SSC4D: variants seen among roughly 807,000 people sequenced by gnomAD.
SSC4D encodes the protein scavenger receptor cysteine rich family member with 4 domains, also known as scavenger receptor cysteine-rich domain-containing group B protein.
A neutral mutation model predicts 63.4 loss-of-function variants in SSC4D; 57 were observed. That is an observed-to-expected ratio of 0.90 (90% CI 0.73 to 1.12). The LOEUF (loss-of-function observed/expected upper bound fraction) is 1.12. Ranked by LOEUF, SSC4D falls within the 50% of genes most tolerant of loss-of-function variation. The pLI is 0.00. For synonymous variants in SSC4D, 352 were observed against 345.4 expected (o/e 1.02, Z -0.21); for missense variants, 791 against 806.4 (o/e 0.98, Z 0.23).
chr7:76,404,498 T>C lies in SSC4D; in HGVS notation c.-59A>G, dbSNP rs1211840991. On this transcript the variant is annotated 5_prime_UTR_variant, in exon 2 of 11. Transcript: ENST00000275560. ...CAAGGCGCCAGGGAGAAGTCACAGT[T>C]GGAACATCTGAAATTAAAGATCCCA... The C allele has an allele frequency of 6.2e-7, 1 of 1,612,268 alleles. No individual in the cohort carries two copies. The highest frequency in any genetic ancestry group is 8.5e-7 in the Non-Finnish European group (1 of 1,179,718).
chr7:76,398,626 T>C, intron 5 of SSC4D, 94 bp downstream of exon 5: 4 of 1,385,326 alleles, frequency 2.9e-6, no homozygotes, highest in Non-Finnish European at 4.1e-6. Context: ...CTTTACATCT[T>C]CAATTTGTAA....
Position 76,404,337 on chromosome 7 carries a change from C to G in SSC4D, c.103G>C (p.Ala35Pro), listed in dbSNP as rs1014432326. The G allele has an allele frequency of 6.2e-7, 1 of 1,610,788 alleles. No individual in the cohort carries two copies. The highest frequency in any genetic ancestry group is 8.5e-7 in the Non-Finnish European group (1 of 1,178,524). The change falls in exon 2 of 11, where the codon GCC (alanine) becomes CCC (proline). Residue 35 changes from alanine (A) to proline (P), a missense_variant. By Grantham distance (27) the Ala-to-Pro change is conservative. Transcript: ENST00000275560. ...GSAAPPFLPQ[A>P]LSFLLLLPLA... ...GGCAGGAGGAGAAGGAAAGACAGGG[C>G]TTGGGGGAGGAAGGGAGGGGCAGCA...
Position 76,393,413 on chromosome 7 carries a change from A to T in SSC4D, c.1325T>A (p.Leu442His). The T allele has an allele frequency of 6.8e-7, 1 of 1,474,020 alleles. No individual in the cohort carries two copies. Among genetic ancestry groups the T allele is most frequent in the Admixed American group, 2.2e-5 (1 of 44,474 alleles). 91.3% of individuals were successfully genotyped at this position (1,474,020 alleles called of 1,614,324 possible). ...NCGHHEDAGA[L>H]CAGPEELGLQ... is the part of the protein sequence containing the mutation. ...TTCGCTGTCAGCCTCACCTGCGCAG[A>T]GCGCTCCCGCGTCCTCGTGGTGGCC... The change falls in exon 9 of 11, where the codon CTC becomes CAC. Residue 442 changes from leucine (L) to histidine (H), a missense_variant. Leu to His is a moderately conservative substitution (Grantham distance 99, BLOSUM62 -3). Transcript: ENST00000275560.
intron 2 of SSC4D, among the ~76,000 whole-genome samples, chr7:76,402,351 T>C (rs756086985): frequency 6.6e-6 from 1 of 151,938 alleles, no homozygotes; most frequent in Non-Finnish European, 1.5e-5. Flanking sequence ...AGCTAATTTT[T>C]ATATTTTTTA....
intron 1 of SSC4D, among the ~76,000 whole-genome samples, chr7:76,407,499 T>C (rs1477399166): frequency 2.0e-5 from 3 of 151,330 alleles, no homozygotes; most frequent in South Asian, 2.1e-4. Context: ...GCCCAGCTAA[T>C]TGAGGGAGTA....
chr7:76,400,287 A>G lies in SSC4D; in HGVS notation c.474T>C (p.Asp158=). The G allele has an allele frequency of 6.8e-7, 1 of 1,471,720 alleles. No individual in the cohort carries two copies. The highest frequency in any genetic ancestry group is 9.0e-7 in the Non-Finnish European group (1 of 1,107,332). 91.2% of individuals were successfully genotyped at this position (1,471,720 alleles called of 1,614,324 possible). A position where few individuals can be genotyped will look rare whatever the true frequency, so the allele number is the denominator to read the frequency against. ...TCCAGGTCCCAGGGCTCCACTCACC[A>G]TCACACAGGACAGCCACATCCTCGT... ...FHYEDVAVLC[D]EFLPTQPPTR... is the part of the protein sequence containing the mutation. The change falls in exon 4 of 11, where the codon GAT becomes GAC. Residue 158 remains aspartate, a splice_region_variant and synonymous_variant. Coordinates refer to ENST00000275560, the MANE Select transcript of SSC4D (RefSeq NM_080744.2).
intron 1 of SSC4D, 76 bp from the exon 2 acceptor site, chr7:76,404,581 C>G: frequency 7.7e-7 from 1 of 1,295,682 alleles, no homozygotes; most frequent in South Asian, 1.2e-5. Flanking sequence ...TGCTTGCACC[C>G]AGGGGTTTGA....
chr7:76,398,389 C>A (rs1219757755), intron 5 of SSC4D, among the ~76,000 whole-genome samples: 1 of 150,758 alleles, frequency 6.6e-6, no homozygotes, highest in African/African-American at 2.4e-5. Flanking sequence ...ACTGCAACCT[C>A]TGCCTCCCGG....
rs571112006 is a variant in SSC4D at position 76,390,045 on chromosome 7, C to T, written c.*14G>A. The T allele has an allele frequency of 5.0e-6, 8 of 1,613,978 alleles. No homozygotes were observed. In the South Asian group the frequency reaches 8.8e-5, roughly 18 times the overall value. ...AGCTCCCAGAAGAAGAGGTGGTCTGCAGAGCGGGCTGGGTCATGAAGGCTG... is the reference window on the plus strand; with the variant it reads ...AGCTCCCAGAAGAAGAGGTGGTCTGTAGAGCGGGCTGGGTCATGAAGGCTG... On this transcript the variant is annotated 3_prime_UTR_variant, in exon 11 of 11. Transcript: ENST00000275560.
At position 76,395,253 on chromosome 7, in the gene SSC4D, C is replaced by G. The variant is rs199812860; in HGVS notation, c.946G>C (p.Ala316Pro). 6.2e-7 allele frequency: 1 copy of G among 1,613,764 alleles called. No individual in the cohort carries two copies. Among genetic ancestry groups the G allele is most frequent in the Non-Finnish European group, 8.5e-7 (1 of 1,179,984 alleles). ...EDWAWQTDPS[A>P]TGVGPQPSRE... ...CCGCCTGGAGGGCTGAGCTCTTTACCGGACGGATCTGTCTGCCAAGCCCAG... is the reference window on the plus strand; with the variant it reads ...CCGCCTGGAGGGCTGAGCTCTTTACGGGACGGATCTGTCTGCCAAGCCCAG... Residue 316 changes from alanine (A) to proline (P), a missense_variant and splice_region_variant, in exon 7 of 11, where the codon GCT (alanine) becomes CCT (proline). Transcript: ENST00000275560.
At chr7:76,394,748 A>AATATAT (rs35943058) in intron 7 of SSC4D, among the ~76,000 whole-genome samples, 123 of 131,294 alleles carry the variant, frequency 9.4e-4, no homozygotes, top group Non-Finnish European at 1.0e-3. Flanking sequence ...ATGTATGTAT[A>AATATAT]ATATATATAT....
At chr7:76,403,961 CCTT>C (rs749731323) in intron 2 of SSC4D, among the ~76,000 whole-genome samples, 7 of 152,138 alleles carry the variant, frequency 4.6e-5, no homozygotes, top group African/African-American at 1.7e-4. Context: ...CCGAGCCCGG[CCTT>C]CTTCTTATGT....
chr7:76,400,289 C>T lies in SSC4D; in HGVS notation c.472G>A (p.Asp158Asn), dbSNP rs762821758. Residue 158 changes from aspartate to asparagine, a missense_variant, in exon 4 of 11, where the codon GAT (aspartate) becomes AAT (asparagine). Asp to Asn is a conservative substitution (Grantham distance 23). Coordinates refer to ENST00000275560, the MANE Select transcript of SSC4D (RefSeq NM_080744.2). ...CAGGTCCCAGGGCTCCACTCACCAT[C>T]ACACAGGACAGCCACATCCTCGTAG... ...FHYEDVAVLCDEFLPTQPPTR... is the reference protein window; with the variant it reads ...FHYEDVAVLCNEFLPTQPPTR... 1 of 1,475,146 alleles carries T rather than the reference C, an allele frequency of 6.8e-7. No homozygotes were observed. Among genetic ancestry groups the T allele is most frequent in the African/African-American group, 1.4e-5 (1 of 69,636 alleles). The allele number at this position is 1,475,146 out of a possible 1,614,324, so 91.4% of individuals were successfully genotyped here. A position where few individuals can be genotyped will look rare whatever the true frequency, so the allele number is the denominator to read the frequency against.
chr7:76,393,282 G>C (rs1172518723), intron 9 of SSC4D, 123 bp downstream of exon 9: 5 of 1,055,338 alleles, frequency 4.7e-6, no homozygotes, highest in Non-Finnish European at 6.0e-6. Flanking sequence ...GCCCCTCTGC[G>C]GAGTGCGCAT....
chr7:76,405,290 TA>T (rs1748776024), intron 1 of SSC4D, among the ~76,000 whole-genome samples: 1 of 41,690 alleles, frequency 2.4e-5, no homozygotes, highest in African/African-American at 1.3e-4. Flanking sequence ...TATATATATA[TA>T]TATATATATA....
chr7:76,390,563 A>G (rs1267245560), intron 10 of SSC4D, among the ~76,000 whole-genome samples, 188 bp from the exon 11 acceptor site: 1 of 152,242 alleles, frequency 6.6e-6, no homozygotes, highest in Non-Finnish European at 1.5e-5. Context: ...CACGCCTGTA[A>G]TTCCAGCACT....
At chr7:76,390,584 G>A (rs761402840) in intron 10 of SSC4D, among the ~76,000 whole-genome samples, 1 of 152,230 alleles carries the variant, frequency 6.6e-6, no homozygotes, top group East Asian at 1.9e-4. Context: ...TTGGGAGGCC[G>A]AGGCAGGCGG....
At position 76,389,987 on chromosome 7, in the gene SSC4D, A is replaced by G; in HGVS notation, c.*72T>C. 6.3e-7 allele frequency: 1 copy of G among 1,590,770 alleles called. No homozygotes were observed. The highest frequency in any genetic ancestry group is 8.6e-7 in the Non-Finnish European group (1 of 1,164,034). On this transcript the variant is annotated 3_prime_UTR_variant, in exon 11 of 11. Transcript: ENST00000275560. ...CAAAGTGAACTGTAGTCATCACAAG[A>G]GGAGGGCTTCCTGGAGGAGGAAGGG...
chr7:76,396,762 G>A (rs981115761), intron 6 of SSC4D, among the ~76,000 whole-genome samples: 1 of 152,206 alleles, frequency 6.6e-6, no homozygotes, highest in African/African-American at 2.4e-5. Flanking sequence ...ATCTCTTACA[G>A]AGCAGAGTCC....
Sources: allele counts gnomAD v4.1 joint callset (sites outside exome capture counted in the v4.1 genomes callset), GRCh38; gene constraint gnomAD v4.1.1; transcripts MANE v1.5; gene names NCBI Gene and HGNC (gene_info 2026-07-23, HGNC 2026-07-21).